Variants in ERI3 observed in about 807,000 individuals in gnomAD.
ERI3 encodes the protein ERI1 exoribonuclease 3.
A neutral mutation model predicts 44.4 loss-of-function variants in ERI3; 18 were observed. That is an observed-to-expected ratio of 0.41 (90% confidence interval 0.28 to 0.60). ERI3 has a LOEUF of 0.60. ERI3 is among the 20% of genes least tolerant of loss of function. The pLI, the probability that ERI3 is intolerant of heterozygous loss-of-function variation, is 0.36. For missense variants in ERI3, 294 were observed against 435.5 expected, an observed-to-expected ratio of 0.68 and a Z score of 2.89; for synonymous variants, 183 against 164.8, an observed-to-expected ratio of 1.11 and a Z score of -0.84.
intron 2 of ERI3, among the ~76,000 whole-genome samples, 165 bp downstream of exon 2, chr1:44,352,683 CAT>C (rs1158990790): frequency 6.6e-6 from 1 of 152,082 alleles, no homozygotes; most frequent in African/African-American, 2.4e-5. Context: ...AGACTTTGAG[CAT>C]ATGTTACTTT....
At chr1:44,303,289 C>T (rs1045403479) in intron 6 of ERI3, among the ~76,000 whole-genome samples, 1 of 152,246 alleles carries the variant, frequency 6.6e-6, no homozygotes, top group Non-Finnish European at 1.5e-5. Flanking sequence ...TCTTCACATT[C>T]AGGCTGGTGT....
intron 8 of ERI3, among the ~76,000 whole-genome samples, chr1:44,245,200 G>A (rs932925467): frequency 6.6e-6 from 1 of 151,972 alleles, no homozygotes; most frequent in Non-Finnish European, 1.5e-5. Context: ...TGTCTCTTTG[G>A]TGCGAGGGCC....
rs72891771 is a variant in ERI3, at chr1:44,291,463, C to T, written c.759-6556G>A. Among the ~76,000 whole-genome samples, 530 of 152,284 alleles carry T rather than the reference C, an allele frequency of 3.5e-3. 3 individuals carry two copies. The highest frequency in any genetic ancestry group is 0.012 in the African/African-American group (508 of 41,542). ...TCAAAGGCCATTGCAGGTTTGGTCT[C>T]AATCGATCTCCTTATAGCCAGAATC... On this transcript the variant is annotated intron_variant, in intron 6 of 8. Coordinates refer to ENST00000372257, the MANE Select transcript of ERI3 (RefSeq NM_024066.3).
chr1:44,226,080 T>C (rs1379140224), intron 8 of ERI3, among the ~76,000 whole-genome samples: 1 of 151,938 alleles, frequency 6.6e-6, no homozygotes, highest in East Asian at 1.9e-4. Flanking sequence ...GCAGAGGTCT[T>C]AGGGGATGGG....
At position 44,242,256 on chromosome 1, in the gene ERI3, G is replaced by C. The variant is rs150747658; in HGVS notation, c.931+5683C>G. The stretch of plus-strand genomic sequence containing the variant: ...TGACTCCTCCCCTCCCAGCCCTGAA[G>C]GTGGCCAAAGCTGGGGGAAGCAGGC... On this transcript the variant is annotated intron_variant, in intron 8 of 8. Transcript: ENST00000372257. Among the ~76,000 whole-genome samples, 660 of 152,304 alleles carry C rather than the reference G, an allele frequency of 4.3e-3. 8 individuals carry two copies. The highest frequency in any genetic ancestry group is 0.015 in the African/African-American group (613 of 41,564).
chr1:44,258,965 C>A (rs1021669463), intron 7 of ERI3, among the ~76,000 whole-genome samples: 2 of 152,132 alleles, frequency 1.3e-5, no homozygotes, highest in African/African-American at 4.8e-5. Context: ...CTGTATCTTC[C>A]TTGGTCAAAT....
At chr1:44,352,500 T>G (rs543361276) in intron 2 of ERI3, among the ~76,000 whole-genome samples, 1 of 152,338 alleles carries the variant, frequency 6.6e-6, no homozygotes, top group Admixed American at 6.5e-5. Flanking sequence ...TTCTTCCTAT[T>G]TTCTTAAGAT....
rs560844332 is a variant in ERI3, at chr1:44,279,510, G to A, written c.831+5325C>T. On this transcript the variant is annotated intron_variant, in intron 7 of 8. Transcript: ENST00000372257. ...CAAAGCACTGGGATTACAGGTATAA[G>A]CCACCATGCCTGGTCTTCAAATCTG... Among the ~76,000 whole-genome samples, 5 of 152,256 alleles carry A rather than the reference G, an allele frequency of 3.3e-5. No homozygotes were observed. The East Asian group carries it at 9.6e-4, about 29-fold the overall frequency.
chr1:44,346,746 G>A (rs1430702487), intron 2 of ERI3, among the ~76,000 whole-genome samples: 1 of 152,106 alleles, frequency 6.6e-6, no homozygotes, highest in African/African-American at 2.4e-5. Flanking sequence ...TAAAACACTG[G>A]TAATAGACAA....
chr1:44,222,123 T>C (rs1008731626), intron 8 of ERI3, among the ~76,000 whole-genome samples: 1 of 152,184 alleles, frequency 6.6e-6, no homozygotes, highest in Non-Finnish European at 1.5e-5. Flanking sequence ...GCCGGCACTT[T>C]CGTGTGTGTG....
At chr1:44,316,566 T>C (rs1646092233) in intron 4 of ERI3, among the ~76,000 whole-genome samples, 1 of 152,178 alleles carries the variant, frequency 6.6e-6, no homozygotes, top group African/African-American at 2.4e-5. Context: ...CTTTCTCCTT[T>C]CACAGTTTAT....
At chr1:44,287,020 A>G (rs773615118) in intron 6 of ERI3, among the ~76,000 whole-genome samples, 10 of 152,304 alleles carry the variant, frequency 6.6e-5, no homozygotes, top group Non-Finnish European at 1.0e-4. Flanking sequence ...ACCCCACTTC[A>G]TATTACCTGT....
At chr1:44,233,737 TATTA>T (rs1644239811) in intron 8 of ERI3, among the ~76,000 whole-genome samples, 1 of 152,216 alleles carries the variant, frequency 6.6e-6, no homozygotes, top group African/African-American at 2.4e-5. Flanking sequence ...CATGTAAATA[TATTA>T]ATTCTCTCCC....
chr1:44,281,724 G>C (rs1338041592), intron 7 of ERI3, among the ~76,000 whole-genome samples: 1 of 150,192 alleles, frequency 6.7e-6, no homozygotes, highest in Non-Finnish European at 1.5e-5. Context: ...TTCATGTCTG[G>C]GTATGCCTGC....
intron 7 of ERI3, among the ~76,000 whole-genome samples, chr1:44,272,841 AAAAATAAAATAAAATAAAAT>A (rs3054072): frequency 0.13 from 19,222 of 146,574 alleles, 1,626 homozygotes; most frequent in Non-Finnish European, 0.18. Context: ...GACTGTCTCA[AAAAATAAAATAAAATAAAAT>A]AAAATAAAAT....
At chr1:44,238,910 CTAAT>C (rs1229161639) in intron 8 of ERI3, among the ~76,000 whole-genome samples, 2 of 152,244 alleles carry the variant, frequency 1.3e-5, no homozygotes, top group South Asian at 2.1e-4. Context: ...CATTTACAGA[CTAAT>C]TAAACATTAC....
intron 6 of ERI3, among the ~76,000 whole-genome samples, chr1:44,304,547 T>A (rs1458360187): frequency 2.0e-5 from 3 of 152,116 alleles, no homozygotes; most frequent in Non-Finnish European, 4.4e-5. Flanking sequence ...AGCAAGCACG[T>A]CACTAGGCCA....
chr1:44,227,089 G>A (rs767234465), intron 8 of ERI3, among the ~76,000 whole-genome samples: 125 of 152,136 alleles, frequency 8.2e-4, no homozygotes, highest in Non-Finnish European at 6.8e-4. Flanking sequence ...TCAAACTGGG[G>A]GAACAGGAGG....
At chr1:44,332,256 A>G (rs926418471) in intron 3 of ERI3, among the ~76,000 whole-genome samples, 2 of 152,040 alleles carry the variant, frequency 1.3e-5, no homozygotes, top group Non-Finnish European at 2.9e-5. Context: ...CAATGGCCCT[A>G]TTCTTTAGAG....
Sources: allele counts gnomAD v4.1 joint callset (sites outside exome capture counted in the v4.1 genomes callset), GRCh38; gene constraint gnomAD v4.1.1; transcripts MANE v1.5; gene names NCBI Gene and HGNC (gene_info 2026-07-23, HGNC 2026-07-21).